Variants in TTC21A observed in about 807,000 individuals in gnomAD.
TTC21A encodes tetratricopeptide repeat domain 21A, also known as tetratricopeptide repeat protein 21A.
TTC21A carries 128 observed loss-of-function variants against 156.4 expected under a neutral mutation model. That is an observed-to-expected ratio of 0.82 (90% CI 0.71 to 0.95). TTC21A has a LOEUF of 0.95. TTC21A is among the 40% of genes least tolerant of loss of function. The probability of loss-of-function intolerance (pLI) is 0.00; values close to 1 mark genes in which losing one functional copy is unlikely to be tolerated. For missense variants in TTC21A, 1,435 were observed against 1,602.3 expected (o/e 0.90, Z 1.78); for synonymous variants, 587 against 617.1 (o/e 0.95, Z 0.72).
Position 39,118,039 on chromosome 3 carries a change from C to G in TTC21A, c.717-30C>G, listed in dbSNP as rs1575511597. Reference sequence around the variant, plus strand: ...TCCCAGCTTTGCCTATCAATACTCTCAATTCATGTGCCTCCTCTTCTTCCT... The same window carrying G: ...TCCCAGCTTTGCCTATCAATACTCTGAATTCATGTGCCTCCTCTTCTTCCT... On this transcript the variant is annotated intron_variant, in intron 6 of 28. Transcript: ENST00000683103. 4 of 1,539,228 alleles carry G rather than the reference C, an allele frequency of 2.6e-6. No homozygotes were observed. In the East Asian group the frequency reaches 9.0e-5, roughly 35 times the overall value.
chr3:39,134,809 A>G lies in TTC21A; in HGVS notation c.2863-284A>G, dbSNP rs1156477645. 2 of 547,168 alleles carry G rather than the reference A, an allele frequency of 3.7e-6. No homozygotes were observed. The highest frequency in any genetic ancestry group is 6.2e-5 in the Admixed American group (2 of 32,420). 33.9% of individuals were successfully genotyped at this position (547,168 alleles called of 1,614,324 possible). On this transcript the variant is annotated intron_variant, in intron 21 of 28. Coordinates refer to ENST00000683103, the MANE Select transcript of TTC21A (RefSeq NM_001366900.1). This position sits in a 1 kb window ranked among gnomAD's most constrained non-coding sequence, Gnocchi z 4.6. ...GAGAGGCTTCCCCTGTAGGCTGTCA[A>G]AAAGCCCCACTGGTCTCTACCACTA...
In TTC21A at chr3:39,130,968, C is replaced by G; in HGVS notation, c.2459-24C>G. Reference sequence around the variant, plus strand: ...CTTCCCAGGAGCCAGTGAACTAACACTAATTTGAGTTTCCATTTAACAGTC... The same window carrying G: ...CTTCCCAGGAGCCAGTGAACTAACAGTAATTTGAGTTTCCATTTAACAGTC... On this transcript the variant is annotated intron_variant, in intron 18 of 28. Coordinates refer to ENST00000683103, the MANE Select transcript of TTC21A (RefSeq NM_001366900.1). The surrounding 1 kb of genome is among the most constrained non-coding windows in gnomAD (Gnocchi z 4.5). 1 of 1,611,200 alleles carries G rather than the reference C, an allele frequency of 6.2e-7. No individual in the cohort carries two copies. Among genetic ancestry groups the G allele is most frequent in the Non-Finnish European group, 8.5e-7 (1 of 1,178,360 alleles).
Position 39,138,797 on chromosome 3 carries a change from A to C in TTC21A, c.*9A>C. 1 of 1,612,914 alleles carries C rather than the reference A, an allele frequency of 6.2e-7. No homozygotes were observed. Among genetic ancestry groups the C allele is most frequent in the Non-Finnish European group, 8.5e-7 (1 of 1,178,980 alleles). On this transcript the variant is annotated 3_prime_UTR_variant, in exon 29 of 29. Transcript: ENST00000683103. ...GGTCCCTGAGGCCCTAGCTGGGGTC[A>C]AGGGGCCTGGACCAGTAGAAGCCAT... is the stretch of plus-strand genomic sequence containing the variant.
chr3:39,124,660 A>G (rs886572197), intron 9 of TTC21A, among the ~76,000 whole-genome samples: 1 of 148,366 alleles, frequency 6.7e-6, no homozygotes, highest in Non-Finnish European at 1.5e-5. Context: ...CTCCGTCTCA[A>G]AAAAAAAAAA....
In TTC21A at chr3:39,109,302, T is replaced by C. The variant is rs547085491; in HGVS notation, c.157+88T>C. On this transcript the variant is annotated intron_variant, in intron 2 of 28. Coordinates refer to ENST00000683103, the MANE Select transcript of TTC21A (RefSeq NM_001366900.1). ...TCCACCTGGATGCCTTCTTGTATCC[T>C]AGTTATGGTCCCATAAAAACAGTTT... The C allele has an allele frequency of 1.6e-5, 23 of 1,432,776 alleles. No individual in the cohort carries two copies. In the African/African-American group the frequency reaches 2.8e-4, roughly 18 times the overall value. The allele number at this position is 1,432,776 out of a possible 1,614,324, so 88.8% of individuals were successfully genotyped here. A position where few individuals can be genotyped will look rare whatever the true frequency, so the allele number is the denominator to read the frequency against.
At chr3:39,109,301 C>G in intron 2 of TTC21A, 87 bp downstream of exon 2, 1 of 1,446,808 alleles carries the variant, frequency 6.9e-7, no homozygotes, top group Non-Finnish European at 9.5e-7. Flanking sequence ...TTCTTGTATC[C>G]TAGTTATGGT....
intron 22 of TTC21A, among the ~76,000 whole-genome samples, 184 bp downstream of exon 22, chr3:39,135,358 A>G (rs1388874056): frequency 6.6e-6 from 1 of 152,216 alleles, no homozygotes; most frequent in Non-Finnish European, 1.5e-5. Context: ...TCCCGAGTCC[A>G]AGGGGCCAGT....
At chr3:39,118,001 C>T (rs180985091) in intron 6 of TTC21A, 68 bp from the exon 7 acceptor site, 65 of 1,119,274 alleles carry the variant, frequency 5.8e-5, no homozygotes, top group Admixed American at 2.2e-4. Context: ...AATCAGAAGT[C>T]GCCAACACAC....
At chr3:39,109,283 TG>T in intron 2 of TTC21A, 69 bp downstream of exon 2, 1 of 1,536,178 alleles carries the variant, frequency 6.5e-7, no homozygotes, top group African/African-American at 1.4e-5. Context: ...TGGCTCCACC[TG>T]GATGCCTTCT....
Position 39,134,363 on chromosome 3 carries a change from C to A in TTC21A, c.2862+35C>A. The A allele has an allele frequency of 6.9e-7, 1 of 1,440,800 alleles. No individual in the cohort carries two copies. Among genetic ancestry groups the A allele is most frequent in the Non-Finnish European group, 9.8e-7 (1 of 1,022,024 alleles). The allele number at this position is 1,440,800 out of a possible 1,614,324, so 89.3% of individuals were successfully genotyped here. On this transcript the variant is annotated intron_variant, in intron 21 of 28. Transcript: ENST00000683103. The surrounding 1 kb of genome is among the most constrained non-coding windows in gnomAD (Gnocchi z 4.6). The stretch of plus-strand genomic sequence containing the variant: ...CCCCAGCACCCACTCCCTCCCCTCC[C>A]TTCCTCCCTTCCCAGGGTCCCTGTG...
intron 27 of TTC21A, 33 bp from the exon 28 acceptor site, chr3:39,138,523 T>G: frequency 1.2e-6 from 2 of 1,614,064 alleles, no homozygotes; most frequent in Non-Finnish European, 1.7e-6. Flanking sequence ...GTCACCAGGG[T>G]GCCACCATCT....
At chr3:39,135,309 C>A in intron 22 of TTC21A, 135 bp downstream of exon 22, 1 of 781,630 alleles carries the variant, frequency 1.3e-6, no homozygotes, top group Non-Finnish European at 2.2e-6. Context: ...TCCAGAGAAG[C>A]AGGAAACTGA....
chr3:39,128,476 C>T lies in TTC21A; in HGVS notation c.1668C>T (p.Ser556=). The change falls in exon 13 of 29, where the codon AGC becomes AGT. Residue 556 remains serine, a synonymous_variant. Coordinates refer to ENST00000683103, the MANE Select transcript of TTC21A (RefSeq NM_001366900.1). The stretch of plus-strand genomic sequence containing the variant: ...TCCACTGCTTAGAGCTGGGTGTCAG[C>T]CACAACTTCCAGGTGGGTGCCCTCT... ...MCFHCLELGV[S]HNFQVRDHPL... is the part of the protein sequence containing the mutation. 6.2e-7 allele frequency: 1 copy of T among 1,614,140 alleles called. No individual in the cohort carries two copies. The highest frequency in any genetic ancestry group is 8.5e-7 in the Non-Finnish European group (1 of 1,180,006).
At chr3:39,129,617 G>T (rs2038569470) in intron 15 of TTC21A, among the ~76,000 whole-genome samples, 1 of 152,212 alleles carries the variant, frequency 6.6e-6, no homozygotes, top group African/African-American at 2.4e-5. Flanking sequence ...CCAAGCTGCT[G>T]TCTCTGTATG....
Position 39,114,639 on chromosome 3 carries a change from C to A in TTC21A, c.613C>A (p.Gln205Lys). 6.2e-7 allele frequency: 1 copy of A among 1,614,166 alleles called. No homozygotes were observed. Residue 205 changes from glutamine to lysine, a missense_variant, in exon 6 of 29, where the codon CAG becomes AAG. Transcript: ENST00000683103. ...CTCAGAGGCCCTGGAGGTGGTGAAC[C>A]AGATCACTGTGACTTCAGGGAGCTT... ...NYSEALEVVN[Q>K]ITVTSGSFLP...
chr3:39,135,513 C>T lies in TTC21A; in HGVS notation c.2944+339C>T, dbSNP rs13319418. Among the ~76,000 whole-genome samples, 344 of 152,334 alleles carry T rather than the reference C, an allele frequency of 2.3e-3. 1 individual carries two copies. The highest frequency in any genetic ancestry group is 7.9e-3 in the African/African-American group (329 of 41,588). On this transcript the variant is annotated intron_variant, in intron 22 of 28. Transcript: ENST00000683103. ...CTCCCCCGTTGTATAGCTTCATTCC[C>T]ATTCACTGCAGCGTAAAACCACCCC...
intron 26 of TTC21A, 59 bp downstream of exon 26, chr3:39,137,769 A>T (rs1458228261): frequency 1.7e-5 from 26 of 1,526,868 alleles, no homozygotes; most frequent in Non-Finnish European, 2.3e-5. Flanking sequence ...TAGGCATTCC[A>T]GGAAGGTGAA....
At chr3:39,132,293 G>T (rs552399470) in intron 19 of TTC21A, among the ~76,000 whole-genome samples, 51 of 152,326 alleles carry the variant, frequency 3.3e-4, no homozygotes, top group African/African-American at 1.2e-3. Flanking sequence ...AGCAAGTGGT[G>T]GAGCTGAGAT....
At chr3:39,123,189 A>C (rs1371765902) in intron 9 of TTC21A, among the ~76,000 whole-genome samples, 2 of 152,346 alleles carry the variant, frequency 1.3e-5, no homozygotes, top group African/African-American at 4.8e-5. Context: ...TGCCAAAAAT[A>C]AAAAATATTA....
Sources: allele counts gnomAD v4.1 joint callset (sites outside exome capture counted in the v4.1 genomes callset), GRCh38; gene constraint gnomAD v4.1.1; non-coding constraint Gnocchi (gnomAD v3.1); transcripts MANE v1.5; gene names NCBI Gene and HGNC (gene_info 2026-07-23, HGNC 2026-07-21).